Variants in CD82 observed in about 807,000 individuals in gnomAD.
CD82 encodes CD82 antigen.
A neutral mutation model predicts 37.4 loss-of-function variants in CD82; 36 were observed. The observed-to-expected ratio is 0.96, with a 90% confidence interval of 0.74 to 1.27. The LOEUF (loss-of-function observed/expected upper bound fraction) is 1.27, where lower values mean the gene tolerates loss of function less well. CD82 is among the 50% of genes most tolerant of loss of function. CD82 has a pLI of 0.00. For synonymous variants in CD82, 158 were observed against 137.4 expected (o/e 1.15, Z -1.05); for missense variants, 340 against 347.0 (o/e 0.98, Z 0.16).
At chr11:44,599,740 T>C (rs1338347138) in intron 3 of CD82, among the ~76,000 whole-genome samples, 17 of 152,210 alleles carry the variant, frequency 1.1e-4, no homozygotes, top group Non-Finnish European at 2.5e-4. Context: ...GACCTGGGGA[T>C]GAGTTGGGCT....
At chr11:44,611,295 G>C (rs1483415598) in intron 6 of CD82, among the ~76,000 whole-genome samples, 1 of 152,232 alleles carries the variant, frequency 6.6e-6, no homozygotes, top group Non-Finnish European at 1.5e-5. Context: ...CCCAAAGGCT[G>C]CTGCTGTCCC....
chr11:44,605,743 T>C (rs1261778717), intron 6 of CD82, among the ~76,000 whole-genome samples: 1 of 152,210 alleles, frequency 6.6e-6, no homozygotes, highest in East Asian at 1.9e-4. Context: ...ATAAGAAAAC[T>C]GAACTCTCAG....
chr11:44,598,770 G>A (rs1300758024), intron 3 of CD82, among the ~76,000 whole-genome samples: 1 of 152,204 alleles, frequency 6.6e-6, no homozygotes, highest in Admixed American at 6.5e-5. Flanking sequence ...TGGAGACCCT[G>A]TGCCCAGGCC....
At chr11:44,604,906 G>A (rs1853365583) in intron 4 of CD82, 152 bp from the exon 5 acceptor site, 2 of 1,037,658 alleles carry the variant, frequency 1.9e-6, no homozygotes, top group East Asian at 2.4e-5. Flanking sequence ...GGGTGACCTG[G>A]TTCCCTGTTG....
chr11:44,615,384 G>T lies in CD82; in HGVS notation c.438+11G>T. 1 of 1,575,502 alleles carries T rather than the reference G, an allele frequency of 6.3e-7. No homozygotes were observed. The highest frequency in any genetic ancestry group is 8.7e-7 in the Non-Finnish European group (1 of 1,144,922). On this transcript the variant is annotated intron_variant, in intron 7 of 9. Transcript: ENST00000227155. The stretch of plus-strand genomic sequence containing the variant: ...TACGTGCAGGCTCAGGTGAGGTGGG[G>T]CGGGGCTGCAGGAGGCTCTCTGGCC...
intron 2 of CD82, among the ~76,000 whole-genome samples, chr11:44,589,752 C>T (rs188774003): frequency 1.3e-5 from 2 of 152,322 alleles, no homozygotes; most frequent in East Asian, 3.9e-4. Flanking sequence ...CTCTCTAAGT[C>T]ACAATCAATT....
chr11:44,575,376 AAGG>A (rs1397596438), intron 1 of CD82, among the ~76,000 whole-genome samples: 1 of 152,218 alleles, frequency 6.6e-6, no homozygotes, highest in Admixed American at 6.5e-5. Context: ...GTCTCCTGGA[AAGG>A]AGGAGGTGGG....
intron 6 of CD82, among the ~76,000 whole-genome samples, chr11:44,611,463 G>A (rs1005941128): frequency 9.2e-5 from 14 of 152,344 alleles, no homozygotes; most frequent in South Asian, 6.2e-4. Context: ...TGAACCACTC[G>A]CCGTGCCTGT....
At chr11:44,580,835 G>T (rs1852969663) in intron 1 of CD82, among the ~76,000 whole-genome samples, 1 of 152,230 alleles carries the variant, frequency 6.6e-6, no homozygotes, top group South Asian at 2.1e-4. Context: ...GAAAGTCTGT[G>T]CTGGAGAATG....
At chr11:44,592,349 A>C (rs955231607) in intron 2 of CD82, among the ~76,000 whole-genome samples, 3 of 152,240 alleles carry the variant, frequency 2.0e-5, no homozygotes, top group African/African-American at 7.2e-5. Context: ...GACTGCAGTT[A>C]GTGGATGTTC....
At chr11:44,610,511 A>G (rs1218370159) in intron 6 of CD82, among the ~76,000 whole-genome samples, 2 of 152,188 alleles carry the variant, frequency 1.3e-5, no homozygotes, top group Non-Finnish European at 1.5e-5. Flanking sequence ...CTCTGTGAAA[A>G]TTCACACTAA....
At chr11:44,577,893 G>A (rs552024811) in intron 1 of CD82, among the ~76,000 whole-genome samples, 4 of 152,226 alleles carry the variant, frequency 2.6e-5, no homozygotes, top group African/African-American at 9.6e-5. Context: ...CTAGGTAGGG[G>A]GTGTCCTCGG....
chr11:44,564,787 C>G (rs1477506781), upstream of CD82, among the ~76,000 whole-genome samples: 1 of 152,222 alleles, frequency 6.6e-6, no homozygotes, highest in Admixed American at 6.5e-5. Flanking sequence ...GCTGGGGCAG[C>G]TCAAGCCTGT....
chr11:44,618,777 C>T (rs967466894), intron 9 of CD82, 54 bp downstream of exon 9: 2 of 1,471,044 alleles, frequency 1.4e-6, no homozygotes, highest in African/African-American at 2.8e-5. Context: ...TGGGTTGTCT[C>T]TGTTCTGCTG....
Position 44,605,494 on chromosome 11 carries a change from T to C in CD82, c.336+65T>C. 6 of 1,482,498 alleles carry C rather than the reference T, an allele frequency of 4.0e-6. No individual in the cohort carries two copies. In the South Asian group the frequency reaches 6.8e-5, roughly 17 times the overall value. The allele number at this position is 1,482,498 out of a possible 1,614,324, so 91.8% of individuals were successfully genotyped here. A position where few individuals can be genotyped will look rare whatever the true frequency, so the allele number is the denominator to read the frequency against. ...AACCATGGGGGTGATTGACTGAGTG[T>C]GGGGGATGGACAAGGAACCCCCCCA... On this transcript the variant is annotated intron_variant, in intron 6 of 9. Coordinates refer to ENST00000227155, the MANE Select transcript of CD82 (RefSeq NM_002231.4).
chr11:44,618,790 C>T (rs1039218154), intron 9 of CD82, 67 bp downstream of exon 9: 23 of 1,397,762 alleles, frequency 1.6e-5, no homozygotes, highest in African/African-American at 2.8e-5. Flanking sequence ...TTCTGCTGAT[C>T]TCCTTGGGGA....
At chr11:44,585,421 A>T in intron 1 of CD82, 1 of 426,778 alleles carries the variant, frequency 2.3e-6, no homozygotes, top group South Asian at 1.7e-5. Flanking sequence ...TGGTAAGGTG[A>T]TCACCCAAGG....
chr11:44,612,072 A>G (rs1012011267), intron 6 of CD82, among the ~76,000 whole-genome samples: 3 of 152,180 alleles, frequency 2.0e-5, no homozygotes, highest in Non-Finnish European at 4.4e-5. Flanking sequence ...CACCGTGGGG[A>G]TCACCCACCC....
chr11:44,580,788 G>A (rs61881364), intron 1 of CD82, among the ~76,000 whole-genome samples: 7,001 of 152,256 alleles, frequency 0.046, 209 homozygotes, highest in Non-Finnish European at 0.066. Context: ...CTAAATTCTC[G>A]TGATGAGATA....
Sources: allele counts gnomAD v4.1 joint callset (sites outside exome capture counted in the v4.1 genomes callset), GRCh38; gene constraint gnomAD v4.1.1; transcripts MANE v1.5; gene names NCBI Gene and HGNC (gene_info 2026-07-23, HGNC 2026-07-21).